The following VWC2L variants were observed in gnomAD, a reference collection of about 807,000 sequenced individuals.
VWC2L encodes the protein von Willebrand factor C domain-containing protein 2-like.
A neutral mutation model predicts 21.6 loss-of-function variants in VWC2L; 10 were observed. That is an observed-to-expected ratio of 0.46 (90% confidence interval 0.29 to 0.78). The LOEUF (loss-of-function observed/expected upper bound fraction) is 0.78, where lower values mean the gene tolerates loss of function less well. Among genes scored for constraint, VWC2L ranks in the 30% least tolerant of loss-of-function variants. VWC2L has a pLI of 0.10. For synonymous variants in VWC2L, 96 were observed against 94.3 expected (o/e 1.02, Z -0.10); for missense variants, 209 against 277.1 (o/e 0.75, Z 1.74).
chr2:214,420,992 G>T (rs928536510), intron 2 of VWC2L, among the ~76,000 whole-genome samples: 2 of 152,218 alleles, frequency 1.3e-5, no homozygotes, highest in Non-Finnish European at 1.5e-5. Flanking sequence ...GAATGAGTGG[G>T]TTCAAAGTGG....
chr2:214,554,747 C>G (rs1439199886), intron 3 of VWC2L, among the ~76,000 whole-genome samples: 1 of 152,178 alleles, frequency 6.6e-6, no homozygotes, highest in East Asian at 1.9e-4. Context: ...AATCTTAAGA[C>G]TGACAAAACA....
chr2:214,517,322 C>T (rs1041083533), intron 3 of VWC2L, among the ~76,000 whole-genome samples: 2 of 152,160 alleles, frequency 1.3e-5, no homozygotes, highest in African/African-American at 2.4e-5. Context: ...TTATGACAGG[C>T]GGCTACAGGG....
chr2:214,465,663 C>T (rs1485968783), intron 3 of VWC2L, among the ~76,000 whole-genome samples: 1 of 152,206 alleles, frequency 6.6e-6, no homozygotes, highest in Non-Finnish European at 1.5e-5. Context: ...TCCACTGGCT[C>T]AGAGCCCAGC....
rs1388288419 is a variant in VWC2L, at chr2:214,576,517, C to G, written c.*697C>G. ...AAACCACACATTTCATATGGAAAAC[C>G]TCGAAACTGCCAATCAAAATCTATT... On this transcript the variant is annotated 3_prime_UTR_variant, in exon 4 of 4. Transcript: ENST00000312504. 6.6e-6 allele frequency: 1 copy of G among 152,122 alleles called. No homozygotes were observed. The highest frequency in any genetic ancestry group is 1.5e-5 in the Non-Finnish European group (1 of 68,032). The allele number at this position is 152,122 out of a possible 1,614,324, so 9.4% of individuals were successfully genotyped here. A position where few individuals can be genotyped will look rare whatever the true frequency, so the allele number is the denominator to read the frequency against.
chr2:214,570,072 T>C (rs1279139730), intron 3 of VWC2L, among the ~76,000 whole-genome samples: 6 of 152,174 alleles, frequency 3.9e-5, no homozygotes, highest in African/African-American at 1.4e-4. Context: ...TGATTGAAAC[T>C]GGAAAAGATC....
At chr2:214,542,697 T>C (rs1442110142) in intron 3 of VWC2L, among the ~76,000 whole-genome samples, 3 of 152,210 alleles carry the variant, frequency 2.0e-5, no homozygotes, top group African/African-American at 7.2e-5. Flanking sequence ...ATGCCTCTCC[T>C]GTGCCCTTTC....
intron 3 of VWC2L, among the ~76,000 whole-genome samples, chr2:214,566,631 G>A (rs910944421): frequency 3.9e-5 from 6 of 152,114 alleles, no homozygotes; most frequent in African/African-American, 1.4e-4. Context: ...ACACAGGGAT[G>A]AGTGAGTAAA....
At chr2:214,567,595 C>CACAGAGAG (rs1553602423) in intron 3 of VWC2L, among the ~76,000 whole-genome samples, 1 of 135,310 alleles carries the variant, frequency 7.4e-6, no homozygotes, top group African/African-American at 3.1e-5. Flanking sequence ...CACACACACA[C>CACAGAGAG]AGAGAGAGAG....
chr2:214,570,337 A>G (rs1690131983), intron 3 of VWC2L, among the ~76,000 whole-genome samples: 1 of 152,214 alleles, frequency 6.6e-6, no homozygotes, highest in African/African-American at 2.4e-5. Context: ...GATGTGCAAA[A>G]TATGTGCTCA....
intron 3 of VWC2L, among the ~76,000 whole-genome samples, chr2:214,480,295 C>A (rs1441587230): frequency 6.6e-6 from 1 of 152,146 alleles, no homozygotes; most frequent in Admixed American, 6.5e-5. Context: ...CTAGAAAAAA[C>A]CTAAAGTCCC....
chr2:214,469,153 A>G (rs982902830), intron 3 of VWC2L, among the ~76,000 whole-genome samples: 39 of 152,208 alleles, frequency 2.6e-4, no homozygotes, highest in Admixed American at 2.4e-3. Context: ...TACAAAATGC[A>G]ATAAAGATAA....
At chr2:214,470,818 G>A (rs1238674073) in intron 3 of VWC2L, among the ~76,000 whole-genome samples, 1 of 149,452 alleles carries the variant, frequency 6.7e-6, no homozygotes. Flanking sequence ...GAGGGAGGCT[G>A]AGGCAGGAGA....
chr2:214,476,770 C>T (rs1479703994), intron 3 of VWC2L, among the ~76,000 whole-genome samples: 3 of 152,154 alleles, frequency 2.0e-5, no homozygotes, highest in East Asian at 3.9e-4. Context: ...TCTGTTTTCC[C>T]TTTCTCTCTC....
At chr2:214,534,781 T>G (rs1478062998) in intron 3 of VWC2L, among the ~76,000 whole-genome samples, 3 of 152,172 alleles carry the variant, frequency 2.0e-5, no homozygotes, top group African/African-American at 7.2e-5. Flanking sequence ...TTAACTCCAG[T>G]TCTGAAAGTC....
intron 3 of VWC2L, among the ~76,000 whole-genome samples, chr2:214,437,149 G>T (rs1278791734): frequency 6.6e-6 from 1 of 152,054 alleles, no homozygotes; most frequent in Admixed American, 6.6e-5. Context: ...TAAATGCCAG[G>T]TATTTTGTTT....
At chr2:214,439,915 A>G (rs1702739008) in intron 3 of VWC2L, among the ~76,000 whole-genome samples, 1 of 151,962 alleles carries the variant, frequency 6.6e-6, no homozygotes, top group South Asian at 2.1e-4. Flanking sequence ...AAATATTTTA[A>G]TATTATAAAG....
chr2:214,495,245 T>G (rs1432034330), intron 3 of VWC2L, among the ~76,000 whole-genome samples: 1 of 152,108 alleles, frequency 6.6e-6, no homozygotes, highest in East Asian at 1.9e-4. Context: ...CTACTCCCCA[T>G]CCTTTGCTGA....
intron 3 of VWC2L, among the ~76,000 whole-genome samples, chr2:214,440,956 A>T (rs1702756313): frequency 6.6e-6 from 1 of 152,166 alleles, no homozygotes; most frequent in South Asian, 2.1e-4. Context: ...CTCAGAAGGA[A>T]ATGTTACCCC....
chr2:214,442,523 A>G (rs1402767751), intron 3 of VWC2L, among the ~76,000 whole-genome samples: 2 of 152,282 alleles, frequency 1.3e-5, no homozygotes, highest in East Asian at 3.9e-4. Context: ...AAGAATACAC[A>G]CCAAATTTTT....
Sources: allele counts gnomAD v4.1 joint callset (sites outside exome capture counted in the v4.1 genomes callset), GRCh38; gene constraint gnomAD v4.1.1; transcripts MANE v1.5; gene names NCBI Gene and HGNC (gene_info 2026-07-23, HGNC 2026-07-21).